CAMKMT: variants seen among roughly 807,000 people sequenced by gnomAD.
CAMKMT encodes the protein CaM KMT.
CAMKMT carries 53 observed loss-of-function variants against 48.0 expected under a neutral mutation model. The ratio of observed to expected loss-of-function variants is 1.10; its 90% CI spans 0.89 to 1.39. The LOEUF is 1.39. Ranked by LOEUF, CAMKMT falls within the 40% of genes most tolerant of loss-of-function variation. The probability of loss-of-function intolerance (pLI) is 0.00; values close to 1 mark genes in which losing one functional copy is unlikely to be tolerated. For synonymous variants in CAMKMT, 165 were observed against 152.3 expected (o/e 1.08, Z -0.61); for missense variants, 428 against 402.7 (o/e 1.06, Z -0.54).
At position 44,636,910 on chromosome 2, in the gene CAMKMT, C is replaced by G. The variant is rs941448583; in HGVS notation, c.377-67373C>G. Among the ~76,000 whole-genome samples the G allele has an allele frequency of 4.6e-5, 7 of 152,148 alleles. 1 individual carries two copies. The highest frequency in any genetic ancestry group is 4.6e-4 in the Admixed American group (7 of 15,266). On this transcript the variant is annotated intron_variant, in intron 3 of 10. Coordinates refer to ENST00000378494, the MANE Select transcript of CAMKMT (RefSeq NM_024766.5). Reference sequence around the variant, plus strand: ...GCACCTTTCTCTTGCCCCACTTTACCTCACCTCTCTCAAACAACTGAGGTA... The same window carrying G: ...GCACCTTTCTCTTGCCCCACTTTACGTCACCTCTCTCAAACAACTGAGGTA...
chr2:44,525,073 G>C (rs186428058), intron 3 of CAMKMT, among the ~76,000 whole-genome samples: 2 of 152,022 alleles, frequency 1.3e-5, no homozygotes, highest in African/African-American at 4.8e-5. Flanking sequence ...GATTAAGATA[G>C]CACACGTTAG....
intron 3 of CAMKMT, among the ~76,000 whole-genome samples, chr2:44,560,667 G>T (rs1033614567): frequency 6.6e-5 from 10 of 152,122 alleles, no homozygotes; most frequent in African/African-American, 2.4e-4. Context: ...GTTTGAGGTG[G>T]TATATTTAAG....
intron 3 of CAMKMT, chr2:44,456,730 C>A: frequency 1.2e-6 from 1 of 838,066 alleles, no homozygotes; most frequent in Non-Finnish European, 1.8e-6. Context: ...ACAATCATAG[C>A]AGAAATCCTC....
At chr2:44,697,423 G>C (rs1677016148) in intron 3 of CAMKMT, among the ~76,000 whole-genome samples, 1 of 152,048 alleles carries the variant, frequency 6.6e-6, no homozygotes, top group African/African-American at 2.4e-5. Flanking sequence ...AGGCAGGTTA[G>C]AAGATACCAG....
chr2:44,472,980 C>T (rs1668501155), intron 3 of CAMKMT, among the ~76,000 whole-genome samples: 1 of 152,076 alleles, frequency 6.6e-6, no homozygotes, highest in Admixed American at 6.6e-5. Context: ...GAGGAATAAA[C>T]CGGGAGAGAG....
chr2:44,620,732 C>A (rs538450727), intron 3 of CAMKMT, among the ~76,000 whole-genome samples: 42 of 152,290 alleles, frequency 2.8e-4, no homozygotes, highest in Non-Finnish European at 5.3e-4. Flanking sequence ...AATTCCTACC[C>A]TCTGTTTCAA....
chr2:44,595,420 A>G (rs1670593904), intron 3 of CAMKMT, among the ~76,000 whole-genome samples: 1 of 152,196 alleles, frequency 6.6e-6, no homozygotes, highest in Non-Finnish European at 1.5e-5. Context: ...TACAAAGAGA[A>G]TAAAATACCT....
At chr2:44,427,953 T>C (rs896221838) in intron 3 of CAMKMT, among the ~76,000 whole-genome samples, 1 of 152,110 alleles carries the variant, frequency 6.6e-6, no homozygotes, top group Non-Finnish European at 1.5e-5. Context: ...CTGGGGTGAA[T>C]GTCTTTGGGC....
At chr2:44,561,812 C>A (rs1026178544) in intron 3 of CAMKMT, among the ~76,000 whole-genome samples, 1 of 152,154 alleles carries the variant, frequency 6.6e-6, no homozygotes, top group Admixed American at 6.5e-5. Context: ...TAAAGTAGAT[C>A]TGATACTGCT....
intron 3 of CAMKMT, among the ~76,000 whole-genome samples, chr2:44,409,080 G>A (rs1261146830): frequency 3.8e-5 from 3 of 79,110 alleles, no homozygotes; most frequent in Non-Finnish European, 5.2e-5. Flanking sequence ...TATTTCAGCC[G>A]ATATATATAT....
At chr2:44,365,547 T>A (rs966212009) in intron 1 of CAMKMT, among the ~76,000 whole-genome samples, 3 of 152,192 alleles carry the variant, frequency 2.0e-5, no homozygotes, top group Non-Finnish European at 4.4e-5. Flanking sequence ...CGGGCTTTCA[T>A]ATCCATCCAG....
At chr2:44,408,684 G>T (rs1315745464) in intron 3 of CAMKMT, among the ~76,000 whole-genome samples, 1 of 152,042 alleles carries the variant, frequency 6.6e-6, no homozygotes, top group African/African-American at 2.4e-5. Context: ...CAGATATCTA[G>T]TAAGGAAAGC....
intron 3 of CAMKMT, among the ~76,000 whole-genome samples, chr2:44,422,068 C>T (rs1020357194): frequency 5.9e-5 from 9 of 151,954 alleles, no homozygotes; most frequent in Admixed American, 5.2e-4. Context: ...AAATGTAATC[C>T]CCAGTGTTGG....
intron 3 of CAMKMT, among the ~76,000 whole-genome samples, chr2:44,441,176 T>C (rs1183209805): frequency 6.6e-6 from 1 of 152,226 alleles, no homozygotes; most frequent in East Asian, 1.9e-4. Context: ...TATATGTTTA[T>C]ATGCCAAGTC....
intron 3 of CAMKMT, among the ~76,000 whole-genome samples, chr2:44,640,679 T>A (rs541476095): frequency 6.6e-6 from 1 of 152,350 alleles, no homozygotes; most frequent in Non-Finnish European, 1.5e-5. Flanking sequence ...ATTGGTGCTT[T>A]GCTATTATTA....
chr2:44,666,446 C>T (rs1310471496), intron 3 of CAMKMT, among the ~76,000 whole-genome samples: 2 of 152,114 alleles, frequency 1.3e-5, no homozygotes, highest in Non-Finnish European at 2.9e-5. Flanking sequence ...ATGCGATAAG[C>T]AGCCTAAGCC....
intron 3 of CAMKMT, chr2:44,394,784 C>G (rs185661717): frequency 2.9e-5 from 13 of 448,620 alleles, no homozygotes; most frequent in African/African-American, 2.6e-4. Flanking sequence ...GGTCTGATAG[C>G]AGAATCTGTT....
intron 3 of CAMKMT, among the ~76,000 whole-genome samples, chr2:44,694,005 G>A (rs1402725740): frequency 6.6e-6 from 1 of 152,226 alleles, no homozygotes; most frequent in African/African-American, 2.4e-5. Flanking sequence ...TATGTCTGCT[G>A]TGAGAGCTAG....
Position 44,571,724 on chromosome 2 carries a change from G to A in CAMKMT, c.377-132559G>A, listed in dbSNP as rs928667958. ...TGAGGTGGCCTATGTTTGTAGTCCC[G>A]GGTGCCCTGGAGACTGAGGCAGGAG... On this transcript the variant is annotated intron_variant, in intron 3 of 10. Transcript: ENST00000378494. 2.6e-5 allele frequency among the ~76,000 whole-genome samples: 4 copies of A among 152,114 alleles called. No homozygotes were observed. The South Asian group carries it at 8.3e-4, about 32-fold the overall frequency.
Sources: allele counts gnomAD v4.1 joint callset (sites outside exome capture counted in the v4.1 genomes callset), GRCh38; gene constraint gnomAD v4.1.1; transcripts MANE v1.5; gene names NCBI Gene and HGNC (gene_info 2026-07-23, HGNC 2026-07-21).